The following ZNF804A variants were observed in gnomAD, a reference collection of about 807,000 sequenced individuals.
ZNF804A encodes the protein zinc finger protein 804A.
In ZNF804A, 2 loss-of-function variants were observed where a neutral mutation model predicts 16.5. The observed-to-expected ratio is 0.12, with a 90% CI of 0.05 to 0.38. ZNF804A has a LOEUF of 0.38. Ranked by LOEUF, ZNF804A falls within the 10% of genes least tolerant of loss-of-function variation. The probability of loss-of-function intolerance (pLI) is 0.99; values close to 1 mark genes in which losing one functional copy is unlikely to be tolerated. For missense variants in ZNF804A, 1,473 were observed against 1,390.7 expected, an observed-to-expected ratio of 1.06 and a Z score of -0.94; for synonymous variants, 534 against 489.6, an observed-to-expected ratio of 1.09 and a Z score of -1.20.
At chr2:184,869,198 C>A (rs1256050769) in intron 2 of ZNF804A, among the ~76,000 whole-genome samples, 1 of 151,898 alleles carries the variant, frequency 6.6e-6, no homozygotes, top group Non-Finnish European at 1.5e-5. Context: ...GACACTCAAC[C>A]CATATACTCA....
At position 184,899,589 on chromosome 2, in the gene ZNF804A, A is replaced by G. The variant is rs904836570; in HGVS notation, c.255+33077A>G. The stretch of plus-strand genomic sequence containing the variant: ...AGAAGAAGCTATGTTCTACAATAAG[A>G]AAGTAGAAAGAAAAATATACTTGCA... On this transcript the variant is annotated intron_variant, in intron 2 of 3. Coordinates refer to ENST00000302277, the MANE Select transcript of ZNF804A (RefSeq NM_194250.2). 3.3e-5 allele frequency among the ~76,000 whole-genome samples: 5 copies of G among 152,050 alleles called. No homozygotes were observed. The South Asian group carries it at 6.2e-4, about 19-fold the overall frequency.
At chr2:184,695,496 T>C (rs1196653754) in intron 1 of ZNF804A, among the ~76,000 whole-genome samples, 1 of 106,654 alleles carries the variant, frequency 9.4e-6, no homozygotes, top group Non-Finnish European at 1.8e-5. Context: ...AAAAAAAGAA[T>C]GACTTTTTAA....
At chr2:184,647,989 A>C (rs1691911357) in intron 1 of ZNF804A, among the ~76,000 whole-genome samples, 2 of 152,198 alleles carry the variant, frequency 1.3e-5, no homozygotes, top group Non-Finnish European at 2.9e-5. Flanking sequence ...CTAGATAAAA[A>C]GCTCAAATAA....
At chr2:184,819,216 A>T (rs1366827638) in intron 1 of ZNF804A, among the ~76,000 whole-genome samples, 3 of 152,068 alleles carry the variant, frequency 2.0e-5, no homozygotes, top group Admixed American at 6.6e-5. Context: ...TTAAAAAAAA[A>T]GTCTGTCAGA....
intron 1 of ZNF804A, among the ~76,000 whole-genome samples, chr2:184,704,162 T>C (rs1305287214): frequency 6.6e-6 from 1 of 151,754 alleles, no homozygotes; most frequent in African/African-American, 2.4e-5. Flanking sequence ...AATCTTTTTT[T>C]TTTTTTGACA....
chr2:184,762,419 A>G (rs1173855747), intron 1 of ZNF804A, among the ~76,000 whole-genome samples: 1 of 151,966 alleles, frequency 6.6e-6, no homozygotes, highest in Non-Finnish European at 1.5e-5. Context: ...AAGTGTATAC[A>G]TATCTTTCAA....
intron 2 of ZNF804A, among the ~76,000 whole-genome samples, chr2:184,891,686 T>G (rs1684986800): frequency 6.6e-6 from 1 of 152,218 alleles, no homozygotes; most frequent in Non-Finnish European, 1.5e-5. Flanking sequence ...TCTAGGGTAC[T>G]GAAACTAAAT....
chr2:184,915,414 G>A (rs1181375202), intron 2 of ZNF804A, among the ~76,000 whole-genome samples: 1 of 151,982 alleles, frequency 6.6e-6, no homozygotes, highest in Admixed American at 6.6e-5. Flanking sequence ...TCAGTTGTTT[G>A]TATATATATT....
chr2:184,890,646 A>G (rs950174133), intron 2 of ZNF804A, among the ~76,000 whole-genome samples: 3 of 151,966 alleles, frequency 2.0e-5, no homozygotes, highest in Non-Finnish European at 2.9e-5. Context: ...TCTCCAAGAT[A>G]CTTCACTCTA....
At chr2:184,648,929 G>A (rs1032819761) in intron 1 of ZNF804A, among the ~76,000 whole-genome samples, 21 of 152,024 alleles carry the variant, frequency 1.4e-4, no homozygotes, top group Admixed American at 1.2e-3. Flanking sequence ...TTGACCAACT[G>A]AACCTAACAG....
At chr2:184,844,249 C>T (rs1695480481) in intron 1 of ZNF804A, among the ~76,000 whole-genome samples, 1 of 151,280 alleles carries the variant, frequency 6.6e-6, no homozygotes, top group East Asian at 1.9e-4. Context: ...ACTTCATTTT[C>T]AGTATTATTG....
At chr2:184,769,275 G>C (rs1031010529) in intron 1 of ZNF804A, among the ~76,000 whole-genome samples, 1 of 151,998 alleles carries the variant, frequency 6.6e-6, no homozygotes, top group Non-Finnish European at 1.5e-5. Flanking sequence ...CAAAATGTAA[G>C]TTCTGGCAAC....
chr2:184,756,971 A>G (rs1431671198), intron 1 of ZNF804A, among the ~76,000 whole-genome samples: 3 of 152,024 alleles, frequency 2.0e-5, no homozygotes, highest in Non-Finnish European at 4.4e-5. Context: ...CTAAACAGTT[A>G]TTTTATGTAG....
At chr2:184,711,686 G>A (rs1161360035) in intron 1 of ZNF804A, among the ~76,000 whole-genome samples, 1 of 151,366 alleles carries the variant, frequency 6.6e-6, no homozygotes, top group Non-Finnish European at 1.5e-5. Context: ...CAATTTTATT[G>A]TTTTTCATAT....
chr2:184,917,055 C>T (rs1685460016), intron 2 of ZNF804A, among the ~76,000 whole-genome samples: 1 of 151,952 alleles, frequency 6.6e-6, no homozygotes, highest in South Asian at 2.1e-4. Flanking sequence ...ATTTAAATAT[C>T]GATATTATCT....
intron 1 of ZNF804A, among the ~76,000 whole-genome samples, chr2:184,737,784 T>A (rs1187026564): frequency 6.6e-6 from 1 of 152,014 alleles, no homozygotes. Context: ...GGACAAGAAT[T>A]GCATTTGAAA....
intron 1 of ZNF804A, among the ~76,000 whole-genome samples, chr2:184,663,328 C>T (rs1395917886): frequency 1.3e-5 from 2 of 152,172 alleles, no homozygotes; most frequent in Admixed American, 6.5e-5. Flanking sequence ...GCTGTCACTG[C>T]TTGGCTGGGT....
At chr2:184,889,651 A>G (rs1269287194) in intron 2 of ZNF804A, among the ~76,000 whole-genome samples, 1 of 151,834 alleles carries the variant, frequency 6.6e-6, no homozygotes, top group East Asian at 1.9e-4. Flanking sequence ...GATATATATT[A>G]TTGAATATTA....
chr2:184,876,326 A>T (rs1274765295), intron 2 of ZNF804A, among the ~76,000 whole-genome samples: 3 of 152,190 alleles, frequency 2.0e-5, no homozygotes, highest in African/African-American at 7.2e-5. Flanking sequence ...CTTAATTTAA[A>T]AGTAGGAGAT....
Sources: allele counts gnomAD v4.1 joint callset (sites outside exome capture counted in the v4.1 genomes callset), GRCh38; gene constraint gnomAD v4.1.1; transcripts MANE v1.5; gene names NCBI Gene and HGNC (gene_info 2026-07-23, HGNC 2026-07-21).